RNF213: variants seen among roughly 807,000 people sequenced by gnomAD.
RNF213 encodes ring finger protein 213.
Under a neutral mutation model 514.4 loss-of-function variants are expected in RNF213, and 341 were observed. The observed-to-expected ratio is 0.66, with a 90% CI of 0.61 to 0.73. The LOEUF (loss-of-function observed/expected upper bound fraction) is 0.73. Ranked by LOEUF, RNF213 falls within the 30% of genes least tolerant of loss-of-function variation. The probability of loss-of-function intolerance (pLI) is 0.00; values close to 1 mark genes in which losing one functional copy is unlikely to be tolerated. For synonymous variants in RNF213, 2,655 were observed against 2,658.2 expected (o/e 1.00, Z 0.04); for missense variants, 5,767 against 6,615.6 (o/e 0.87, Z 4.45).
In RNF213 at chr17:80,368,174, C is replaced by CT. The variant is rs780614756; in HGVS notation, c.12155+38dup. 192 of 1,607,684 alleles carry CT rather than the reference C, an allele frequency of 1.2e-4. No individual in the cohort carries two copies. In the African/African-American group the frequency reaches 2.2e-3, roughly 18 times the overall value. Reference sequence around the variant, plus strand: ...ACACCCTTTCTCTCAAGAAAGCATCCTTTTTTTCATTTTCCTTTTTTGGCA... The same window carrying CT: ...ACACCCTTTCTCTCAAGAAAGCATCCTTTTTTTTCATTTTCCTTTTTTGGCA... On this transcript the variant is annotated intron_variant, in intron 44 of 67. Transcript: ENST00000582970.
chr17:80,334,616 G>GTT (rs57381377), intron 22 of RNF213, among the ~76,000 whole-genome samples: 1 of 147,730 alleles, frequency 6.8e-6, no homozygotes, highest in Non-Finnish European at 1.5e-5. Flanking sequence ...CCACAGAGAG[G>GTT]TTTTTTTTTT....
intron 56 of RNF213, 146 bp from the exon 57 acceptor site, chr17:80,381,401 T>G: frequency 1.2e-6 from 1 of 837,132 alleles, no homozygotes; most frequent in Non-Finnish European, 2.0e-6. Flanking sequence ...TAGCCTTCCT[T>G]TCACCTGGAT....
intron 3 of RNF213, among the ~76,000 whole-genome samples, chr17:80,280,290 G>T (rs746898574): frequency 1.8e-4 from 27 of 152,272 alleles, no homozygotes; most frequent in African/African-American, 6.5e-4. Flanking sequence ...AAGAAGGCTC[G>T]GGCTCAGCAG....
chr17:80,364,498 G>A lies in RNF213; in HGVS notation c.11816G>A (p.Ser3939Asn). 1 of 1,614,204 alleles carries A rather than the reference G, an allele frequency of 6.2e-7. No homozygotes were observed. The highest frequency in any genetic ancestry group is 8.5e-7 in the Non-Finnish European group (1 of 1,180,034). ...GAGCACGTGCTCCTAGGAACCGAGA[G>A]CCGCGTCCCCGAGTTACAGGGGCTG... is the stretch of plus-strand genomic sequence containing the variant. ...FVEHVLLGTE[S>N]RVPELQGLVT... is the part of the protein sequence containing the mutation. Residue 3939 changes from serine (S) to asparagine (N), a missense_variant, in exon 42 of 68, where the codon AGC (serine) becomes AAC (asparagine). This residue lies in a region of RNF213 where 355 missense variants were observed against 358.0 expected (regional missense o/e 0.99). Transcript: ENST00000582970.
In RNF213 at chr17:80,389,156, T is replaced by TG. The variant is rs2080361213; in HGVS notation, c.15001-16dup. 3.1e-6 allele frequency: 5 copies of TG among 1,613,342 alleles called. No homozygotes were observed. In the East Asian group the frequency reaches 1.1e-4, roughly 36 times the overall value. ...ACCCAGCCCACAGACATCCCTCTCC[T>TG]GCTTTTCATTTCCCAGGACTCCCTC... On this transcript the variant is annotated splice_polypyrimidine_tract_variant and intron_variant, in intron 64 of 67. Transcript: ENST00000582970.
chr17:80,355,411 T>TTACAGA (rs1403644236), intron 36 of RNF213: 5 of 222,368 alleles, frequency 2.2e-5, no homozygotes, highest in South Asian at 7.0e-5. Flanking sequence ...GAATGGGGGC[T>TTACAGA]CACGGAGGAA....
rs540073006 is a variant in RNF213, at chr17:80,312,894, C to T, written c.2656-118C>T. On this transcript the variant is annotated intron_variant, in intron 14 of 67. Transcript: ENST00000582970. ...CTGCCAAGGCCTGTGGTCCCTCCAT[C>T]GTAGCCACTCCTTGAGCAGCCTGTG... 1.6e-4 allele frequency: 183 copies of T among 1,138,362 alleles called. 1 individual carries two copies. Among genetic ancestry groups the T allele is most frequent in the Non-Finnish European group, 2.1e-4 (165 of 770,288 alleles). 70.5% of individuals were successfully genotyped at this position (1,138,362 alleles called of 1,614,324 possible).
At chr17:80,376,986 C>A in intron 53 of RNF213, 23 bp downstream of exon 53, 1 of 1,554,526 alleles carries the variant, frequency 6.4e-7, no homozygotes, top group South Asian at 1.1e-5. Context: ...GTCTAGATGA[C>A]CCCACACTCC....
In RNF213 at chr17:80,346,921, G is replaced by A. The variant is rs950047082; in HGVS notation, c.8586G>A (p.Pro2862=). 7.4e-6 allele frequency: 12 copies of A among 1,613,968 alleles called. No individual in the cohort carries two copies. The highest frequency in any genetic ancestry group is 2.7e-5 in the African/African-American group (2 of 74,918). Residue 2862 remains proline (P), a synonymous_variant, in exon 29 of 68, where the codon CCG becomes CCA. Transcript: ENST00000582970. The surrounding 1 kb of genome is among the most constrained non-coding windows in gnomAD (Gnocchi z 8.1). ...AAATGCCCCTGAAGACTCTGCACCC[G>A]CTGCTGGAAGACGGATGCATTGAAG... ...SPKMPLKTLH[P]LLEDGCIEDD...
chr17:80,281,178 C>T (rs1568005685), intron 3 of RNF213, among the ~76,000 whole-genome samples: 1 of 124,988 alleles, frequency 8.0e-6, no homozygotes, highest in Non-Finnish European at 1.7e-5. Flanking sequence ...CACATACCCT[C>T]CACACACACA....
chr17:80,293,816 G>T (rs565101547), intron 8 of RNF213, among the ~76,000 whole-genome samples: 1 of 151,650 alleles, frequency 6.6e-6, no homozygotes, highest in East Asian at 1.9e-4. Context: ...GACAGAGGGA[G>T]ACTCAGTCTA....
chr17:80,286,769 C>T (rs2044486928), intron 3 of RNF213, among the ~76,000 whole-genome samples: 2 of 152,078 alleles, frequency 1.3e-5, no homozygotes, highest in Admixed American at 1.3e-4. Context: ...TTCAGGGGAT[C>T]TACAAGTCAC....
Position 80,377,467 on chromosome 17 carries a change from G to GTTTTTTTTTTTTTT in RNF213, c.13511-295_13511-294insTTTTTTTTTTTTTT, listed in dbSNP as rs1435063248. The stretch of plus-strand genomic sequence containing the variant: ...AAAAAAAAATCAAGGAAAATAGAAA[G>GTTTTTTTTTTTTTT]GTCTAGAATCCTGTCCACCTTGCCT... On this transcript the variant is annotated intron_variant, in intron 53 of 67. Coordinates refer to ENST00000582970, the MANE Select transcript of RNF213 (RefSeq NM_001256071.3). This position sits in a 1 kb window ranked among gnomAD's most constrained non-coding sequence, Gnocchi z 4.1. Among the ~76,000 whole-genome samples, 3 of 150,756 alleles carry GTTTTTTTTTTTTTT rather than the reference G, an allele frequency of 2.0e-5. No homozygotes were observed. Among genetic ancestry groups the GTTTTTTTTTTTTTT allele is most frequent in the Admixed American group, 6.6e-5 (1 of 15,148 alleles).
At chr17:80,269,376 TA>T (rs2043724772) in intron 2 of RNF213, among the ~76,000 whole-genome samples, 1 of 151,850 alleles carries the variant, frequency 6.6e-6, no homozygotes, top group Admixed American at 6.6e-5. Context: ...CTACCCTATC[TA>T]TCTATCCACC....
intron 3 of RNF213, chr17:80,279,052 C>A: frequency 9.2e-7 from 1 of 1,089,492 alleles, no homozygotes; most frequent in Non-Finnish European, 1.3e-6. Context: ...TTCGGGTCAC[C>A]CTTGGGCTGT....
intron 12 of RNF213, among the ~76,000 whole-genome samples, chr17:80,306,815 G>A (rs886562324): frequency 1.3e-5 from 2 of 148,882 alleles, no homozygotes; most frequent in African/African-American, 5.0e-5. Flanking sequence ...TCACGCCGCT[G>A]CACTCCAGCC....
At chr17:80,309,693 G>A (rs1268194220) in intron 14 of RNF213, among the ~76,000 whole-genome samples, 1 of 152,040 alleles carries the variant, frequency 6.6e-6, no homozygotes, top group Non-Finnish European at 1.5e-5. Context: ...GGATGACCCG[G>A]CTCCTCCGTC....
intron 63 of RNF213, among the ~76,000 whole-genome samples, chr17:80,387,101 C>T (rs935862997): frequency 5.9e-5 from 9 of 152,238 alleles, no homozygotes; most frequent in Admixed American, 5.9e-4. Flanking sequence ...GGGCCATCTG[C>T]ACCTCAGTCC....
At chr17:80,330,560 C>A (rs1202504289) in intron 20 of RNF213, among the ~76,000 whole-genome samples, 1 of 152,240 alleles carries the variant, frequency 6.6e-6, no homozygotes, top group Non-Finnish European at 1.5e-5. Context: ...GGTTCTCCGC[C>A]ACCTCCCTCT....
Sources: gnomAD v4.1 joint callset for allele counts (sites outside exome capture counted in the v4.1 genomes callset) on GRCh38, gnomAD v4.1.1 for gene constraint, gnomAD v4.1.1 regional missense constraint, Gnocchi (gnomAD v3.1) non-coding constraint, MANE v1.5 for transcripts, NCBI Gene and HGNC (gene_info 2026-07-23, HGNC 2026-07-21) for gene names.